The following DTWD2 variants were observed in gnomAD, a reference collection of about 807,000 sequenced individuals.
DTWD2 encodes the protein tRNA-uridine aminocarboxypropyltransferase 2.
In DTWD2, 39 loss-of-function variants were observed where a neutral mutation model predicts 31.8. The observed-to-expected ratio is 1.22, with a 90% CI of 0.95 to 1.60. The LOEUF (loss-of-function observed/expected upper bound fraction) is 1.60. Ranked by LOEUF, DTWD2 falls within the 40% of genes most tolerant of loss-of-function variation. DTWD2 has a pLI of 0.00. For synonymous variants in DTWD2, 180 were observed against 142.8 expected (o/e 1.26, Z -1.86); for missense variants, 515 against 381.5 (o/e 1.35, Z -2.92).
intron 1 of DTWD2, among the ~76,000 whole-genome samples, chr5:118,954,658 G>A (rs1349317711): frequency 6.6e-6 from 1 of 152,078 alleles, no homozygotes; most frequent in African/African-American, 2.4e-5. Context: ...GGTTACAGGT[G>A]TGCACCACCA....
chr5:118,966,060 T>C (rs1304852916), intron 1 of DTWD2, among the ~76,000 whole-genome samples: 10 of 152,174 alleles, frequency 6.6e-5, no homozygotes, highest in Non-Finnish European at 1.5e-5. Flanking sequence ...ATACCACTAT[T>C]TCTCTTGAGA....
At chr5:118,938,006 T>C (rs1454201537) in intron 3 of DTWD2, among the ~76,000 whole-genome samples, 9 of 152,190 alleles carry the variant, frequency 5.9e-5, no homozygotes, top group Non-Finnish European at 2.9e-5. Context: ...CATTTCACAA[T>C]GTATACATAC....
At chr5:118,925,369 T>A (rs1007693041) in intron 4 of DTWD2, among the ~76,000 whole-genome samples, 4 of 152,170 alleles carry the variant, frequency 2.6e-5, no homozygotes, top group Non-Finnish European at 5.9e-5. Context: ...TTTATAGTAA[T>A]AGAACATGAA....
intron 4 of DTWD2, among the ~76,000 whole-genome samples, chr5:118,907,346 T>TAG (rs1305515537): frequency 6.6e-6 from 1 of 151,952 alleles, no homozygotes; most frequent in Non-Finnish European, 1.5e-5. Flanking sequence ...AGGATATATA[T>TAG]AGAGAGAGAG....
intron 1 of DTWD2, among the ~76,000 whole-genome samples, chr5:118,949,457 C>A (rs151326206): frequency 7.0e-4 from 106 of 152,270 alleles, no homozygotes; most frequent in African/African-American, 2.4e-3. Context: ...ACAGGGTGGA[C>A]AGGCAAAACA....
chr5:118,973,620 CGGCAGCCTCCTTGCTCG>C (rs1755045034), intron 1 of DTWD2, among the ~76,000 whole-genome samples: 2 of 23,678 alleles, frequency 8.4e-5, no homozygotes, highest in Non-Finnish European at 2.2e-4. Flanking sequence ...TCCTTGCTCG[CGGCAGCCTCCTTGCTCG>C]CGGCAGCCTC....
intron 5 of DTWD2, among the ~76,000 whole-genome samples, chr5:118,842,491 A>G (rs1456700747): frequency 2.0e-5 from 3 of 152,236 alleles, no homozygotes; most frequent in African/African-American, 7.2e-5. Flanking sequence ...GATGATGGAC[A>G]GAAAGAAAAG....
chr5:118,958,291 A>G (rs1227102232), intron 1 of DTWD2, among the ~76,000 whole-genome samples: 2 of 152,090 alleles, frequency 1.3e-5, no homozygotes, highest in Non-Finnish European at 2.9e-5. Flanking sequence ...CGTCTCTACC[A>G]AAAATACAAA....
At chr5:118,971,112 A>G (rs1754975418) in intron 1 of DTWD2, among the ~76,000 whole-genome samples, 1 of 152,214 alleles carries the variant, frequency 6.6e-6, no homozygotes, top group Non-Finnish European at 1.5e-5. Context: ...CTTCATGATG[A>G]CAGGATCAAA....
At chr5:118,929,898 G>A (rs1361758169) in intron 3 of DTWD2, among the ~76,000 whole-genome samples, 1 of 152,170 alleles carries the variant, frequency 6.6e-6, no homozygotes, top group African/African-American at 2.4e-5. Flanking sequence ...TCTCTATGAA[G>A]GCTGCTATCG....
Position 118,838,096 on chromosome 5 carries a change from A to G in DTWD2, c.*2821T>C, listed in dbSNP as rs1365044710. ...CTATTCCACATAAGTCTTATAATCC[A>G]ACCTGTAGAAAGTTGCCATGCACTG... On this transcript the variant is annotated 3_prime_UTR_variant, in exon 6 of 6. Coordinates refer to ENST00000510708, the MANE Select transcript of DTWD2 (RefSeq NM_173666.4). 4 of 152,176 alleles carry G rather than the reference A, an allele frequency of 2.6e-5. No homozygotes were observed. Among genetic ancestry groups the G allele is most frequent in the Admixed American group, 2.6e-4 (4 of 15,276 alleles). 9.4% of individuals were successfully genotyped at this position (152,176 alleles called of 1,614,324 possible).
chr5:118,988,212 G>A, intron 1 of DTWD2, 82 bp downstream of exon 1: 1 of 1,509,222 alleles, frequency 6.6e-7, no homozygotes, highest in Non-Finnish European at 8.9e-7. Flanking sequence ...TGCCCGAGCC[G>A]CCGACTCCCC....
intron 1 of DTWD2, among the ~76,000 whole-genome samples, chr5:118,975,198 T>C (rs559457813): frequency 6.6e-6 from 1 of 152,166 alleles, no homozygotes; most frequent in Non-Finnish European, 1.5e-5. Flanking sequence ...CATAGTCCCA[T>C]ATTTCTTGGA....
chr5:118,939,064 C>A, intron 3 of DTWD2, 132 bp downstream of exon 3: 4 of 682,430 alleles, frequency 5.9e-6, no homozygotes, highest in Non-Finnish European at 8.7e-6. Context: ...CAGGGGTTAG[C>A]AGAACCTAAA....
At chr5:118,906,763 T>C (rs951898277) in intron 4 of DTWD2, among the ~76,000 whole-genome samples, 9 of 152,182 alleles carry the variant, frequency 5.9e-5, no homozygotes, top group South Asian at 2.1e-4. Flanking sequence ...TTCATTATCT[T>C]GATTGCATTA....
At chr5:118,881,554 T>G (rs1012156288) in intron 4 of DTWD2, among the ~76,000 whole-genome samples, 1 of 152,146 alleles carries the variant, frequency 6.6e-6, no homozygotes, top group Non-Finnish European at 1.5e-5. Context: ...TATTAGTCTG[T>G]TTACATACTG....
chr5:118,892,799 TC>T (rs1257728798), intron 4 of DTWD2, among the ~76,000 whole-genome samples: 1 of 152,064 alleles, frequency 6.6e-6, no homozygotes, highest in Non-Finnish European at 1.5e-5. Context: ...AAAACCCAGC[TC>T]CATAAATATG....
intron 3 of DTWD2, among the ~76,000 whole-genome samples, chr5:118,935,503 T>A (rs1473394324): frequency 6.6e-6 from 1 of 152,136 alleles, no homozygotes; most frequent in Non-Finnish European, 1.5e-5. Context: ...ATTGCAAAAT[T>A]GACTGCTTGC....
intron 4 of DTWD2, among the ~76,000 whole-genome samples, chr5:118,876,202 G>T (rs145459937): frequency 6.6e-6 from 1 of 152,250 alleles, no homozygotes; most frequent in East Asian, 1.9e-4. Flanking sequence ...ACACAGGTAA[G>T]GCAGTGTTAA....
Sources: allele counts gnomAD v4.1 joint callset (sites outside exome capture counted in the v4.1 genomes callset), GRCh38; gene constraint gnomAD v4.1.1; transcripts MANE v1.5; gene names NCBI Gene and HGNC (gene_info 2026-07-23, HGNC 2026-07-21).